SSH1: variants seen among roughly 807,000 people sequenced by gnomAD.
The protein encoded by SSH1 is slingshot protein phosphatase 1.
Under a neutral mutation model 79.7 loss-of-function variants are expected in SSH1, and 43 were observed. The ratio of observed to expected loss-of-function variants is 0.54; its 90% CI spans 0.42 to 0.70. SSH1 has a LOEUF of 0.70. Among genes scored for constraint, SSH1 ranks in the 30% least tolerant of loss-of-function variants. The probability of loss-of-function intolerance (pLI) is 0.00; values close to 1 mark genes in which losing one functional copy is unlikely to be tolerated. For missense variants in SSH1, 1,206 were observed against 1,358.8 expected, an observed-to-expected ratio of 0.89 and a Z score of 1.77; for synonymous variants, 599 against 538.3, an observed-to-expected ratio of 1.11 and a Z score of -1.56.
chr12:108,811,200 G>C (rs1593061799), intron 6 of SSH1, 60 bp downstream of exon 6: 3 of 1,490,512 alleles, frequency 2.0e-6, no homozygotes, highest in Non-Finnish European at 2.8e-6. Context: ...GCCTGAACCA[G>C]CTCGTGTTTT....
Position 108,788,490 on chromosome 12 carries a change from G to A in SSH1, c.2648C>T (p.Ser883Leu), listed in dbSNP as rs150864350. 2 of 1,556,178 alleles carry A rather than the reference G, an allele frequency of 1.3e-6. No homozygotes were observed. Among genetic ancestry groups the A allele is most frequent in the African/African-American group, 1.4e-5 (1 of 72,858 alleles). Residue 883 changes from serine to leucine, a missense_variant, in exon 15 of 15, where the codon TCA (serine) becomes TTA (leucine). This residue lies in a region of SSH1 where 709 missense variants were observed against 730.6 expected (regional missense o/e 0.97). Coordinates refer to ENST00000326495, the MANE Select transcript of SSH1 (RefSeq NM_018984.4). ...TTCCAATGAAGCGGGGGCGGCCTCT[G>A]ACTTCTCATCACTCCCGGCCTGGCT... The part of the protein sequence containing the change: ...MPSQAGSDEK[S>L]EAAPASLEGG...
chr12:108,805,160 T>G lies in SSH1; in HGVS notation c.850A>C (p.Met284Leu). The G allele has an allele frequency of 6.2e-7, 1 of 1,613,654 alleles. No homozygotes were observed. Among genetic ancestry groups the G allele is most frequent in the Non-Finnish European group, 8.5e-7 (1 of 1,179,522 alleles). ...KEIRNELEKQ[M>L]NCNLKELKEF... ...TTGAGTTCCTTCAAGTTACAATTCA[T>G]CTGTTTCTCTAATTCATTACGAATC... The change falls in exon 10 of 15, where the codon ATG becomes CTG. Residue 284 changes from methionine (M) to leucine (L), a missense_variant. By Grantham distance (15) the Met-to-Leu change is conservative. Transcript: ENST00000326495.
Position 108,845,909 on chromosome 12 carries a change from G to A in SSH1, c.110+6729C>T, listed in dbSNP as rs115102750. ...GGCTAAGATGGACTGCCAAGGGCAGGGAGGAACCCCAGAGTGTGGACAGGT... is the reference window on the plus strand; with the variant it reads ...GGCTAAGATGGACTGCCAAGGGCAGAGAGGAACCCCAGAGTGTGGACAGGT... On this transcript the variant is annotated intron_variant, in intron 2 of 14. Coordinates refer to ENST00000326495, the MANE Select transcript of SSH1 (RefSeq NM_018984.4). 8.8e-3 allele frequency among the ~76,000 whole-genome samples: 1,340 copies of A among 152,324 alleles called. 23 individuals carry two copies. The highest frequency in any genetic ancestry group is 0.031 in the African/African-American group (1,293 of 41,568).
chr12:108,852,402 C>T (rs1340689892), intron 2 of SSH1, among the ~76,000 whole-genome samples: 1 of 151,762 alleles, frequency 6.6e-6, no homozygotes, highest in Non-Finnish European at 1.5e-5. Flanking sequence ...TTAATTTTTT[C>T]TGTTTTTTTA....
At position 108,800,853 on chromosome 12, in the gene SSH1, G is replaced by A. The variant is rs1229146847; in HGVS notation, c.1075C>T (p.Arg359Ter). 6.2e-6 allele frequency: 10 copies of A among 1,613,866 alleles called. No individual in the cohort carries two copies. Among genetic ancestry groups the A allele is most frequent in the East Asian group, 2.2e-5 (1 of 44,890 alleles). The change falls in exon 12 of 15, where the codon CGA becomes TGA. Residue 359 changes from arginine (R) to a stop codon, truncating the protein, a stop_gained. Transcript: ENST00000326495. LOFTEE classifies it high-confidence loss of function. ...TCTGTGGTCTCTTCATCGTAGACTC[G>A]GATGTTATGATATGCAAATAAGCCA... ...FPGLFAYHNI[R>*]VYDEETTDLL... is the part of the protein sequence containing the mutation.
chr12:108,835,855 T>C (rs1039784940), intron 2 of SSH1, among the ~76,000 whole-genome samples: 25 of 131,820 alleles, frequency 1.9e-4, no homozygotes, highest in African/African-American at 6.4e-4. Context: ...ATATTTATGA[T>C]ATATAGCATA....
chr12:108,788,516 G>C lies in SSH1; in HGVS notation c.2622C>G (p.Pro874=), dbSNP rs2036362084. 6.4e-7 allele frequency: 1 copy of C among 1,560,842 alleles called. No individual in the cohort carries two copies. Among genetic ancestry groups the C allele is most frequent in the Middle Eastern group, 1.7e-4 (1 of 5,786 alleles). Residue 874 remains proline (P), a synonymous_variant, in exon 15 of 15, where the codon CCC becomes CCG. Transcript: ENST00000326495. ...ACTTCTCATCACTCCCGGCCTGGCT[G>C]GGCATAACCAGGGGGCCCAGCTCGT... ...ALHELGPLVM[P]SQAGSDEKSE...
chr12:108,811,638 T>A (rs1593063466), intron 5 of SSH1: 1 of 439,680 alleles, frequency 2.3e-6, no homozygotes, highest in African/African-American at 2.0e-5. Flanking sequence ...TACTTGGGGG[T>A]ACATAGGCAA....
intron 5 of SSH1, among the ~76,000 whole-genome samples, chr12:108,815,027 G>A (rs566618878): frequency 2.0e-5 from 3 of 152,360 alleles, no homozygotes; most frequent in Non-Finnish European, 2.9e-5. Flanking sequence ...AGCACCTGGC[G>A]GGGCGCCCGG....
Position 108,789,165 on chromosome 12 carries a change from C to T in SSH1, c.1973G>A (p.Ser658Asn). ...CTCCCTGGAGGCCTCAGGAGCCCCG[C>T]TGGCTGTAGGGTACATGCAGTCGGC... is the stretch of plus-strand genomic sequence containing the variant. ...SCADCMYPTA[S>N]GAPEASRERC... Residue 658 changes from serine (S) to asparagine (N), a missense_variant, in exon 15 of 15, where the codon AGC becomes AAC. Transcript: ENST00000326495. The T allele has an allele frequency of 6.2e-7, 1 of 1,612,300 alleles. No individual in the cohort carries two copies. The highest frequency in any genetic ancestry group is 8.5e-7 in the Non-Finnish European group (1 of 1,179,118).
At chr12:108,813,267 C>T (rs1449558534) in intron 5 of SSH1, among the ~76,000 whole-genome samples, 1 of 152,126 alleles carries the variant, frequency 6.6e-6, no homozygotes, top group Non-Finnish European at 1.5e-5. Flanking sequence ...GCCTGTATGG[C>T]GGGAACAGAG....
chr12:108,790,599 T>A (rs1565967538), intron 14 of SSH1, among the ~76,000 whole-genome samples: 1 of 152,232 alleles, frequency 6.6e-6, no homozygotes, highest in African/African-American at 2.4e-5. Context: ...TTTTATCTCA[T>A]CTGTCTTTAT....
intron 2 of SSH1, among the ~76,000 whole-genome samples, chr12:108,835,340 A>G (rs1566012423): frequency 6.6e-6 from 1 of 152,214 alleles, no homozygotes; most frequent in Non-Finnish European, 1.5e-5. Flanking sequence ...ATTGGGAGGC[A>G]CAAGAATCAC....
intron 2 of SSH1, among the ~76,000 whole-genome samples, chr12:108,852,411 T>C (rs528383190): frequency 6.6e-6 from 1 of 152,146 alleles, no homozygotes; most frequent in East Asian, 1.9e-4. Context: ...TCTGTTTTTT[T>C]AGTAGAGACA....
In SSH1 at chr12:108,811,274, G is replaced by C. The variant is rs1349016330; in HGVS notation, c.456C>G (p.His152Gln). The C allele has an allele frequency of 6.2e-7, 1 of 1,614,202 alleles. No homozygotes were observed. Among genetic ancestry groups the C allele is most frequent in the Admixed American group, 1.7e-5 (1 of 60,014 alleles). ...GACCTCCTTACCCATCTCCATCAAG[G>C]TGGATTTTCGTGTCGCTCCACAGTC... ...VLRLWSDTKI[H>Q]LDGDGGFSVS... is the part of the protein sequence containing the mutation. The change falls in exon 6 of 15, where the codon CAC (histidine) becomes CAG (glutamine). Residue 152 changes from histidine to glutamine, a missense_variant. His to Gln is a conservative substitution (Grantham distance 24, BLOSUM62 0). Coordinates refer to ENST00000326495, the MANE Select transcript of SSH1 (RefSeq NM_018984.4).
chr12:108,816,765 T>C lies in SSH1; in HGVS notation c.401+273A>G, dbSNP rs190679812. On this transcript the variant is annotated intron_variant, in intron 5 of 14. Coordinates refer to ENST00000326495, the MANE Select transcript of SSH1 (RefSeq NM_018984.4). ...TTTCTGGCTAAGGTGCCCCACTCTA[T>C]AGCAGCTGGTGTAAAACCTCTCTAA... Among the ~76,000 whole-genome samples the C allele has an allele frequency of 8.0e-4, 122 of 152,316 alleles. 1 individual carries two copies. Among genetic ancestry groups the C allele is most frequent in the African/African-American group, 2.8e-3 (115 of 41,566 alleles).
In SSH1 at chr12:108,856,969, G is replaced by A. The variant is rs2039157099; in HGVS notation, c.69+459C>T. 2.6e-5 allele frequency among the ~76,000 whole-genome samples: 4 copies of A among 152,206 alleles called. No homozygotes were observed. In the South Asian group the frequency reaches 8.3e-4, roughly 31 times the overall value. ...CCCCAGACAGAGGTCAACCCAAGAT[G>A]GGGGTCACACCTGAAATCACAGTCC... On this transcript the variant is annotated intron_variant, in intron 1 of 14. Coordinates refer to ENST00000326495, the MANE Select transcript of SSH1 (RefSeq NM_018984.4).
At chr12:108,803,428 A>G (rs907469673) in intron 10 of SSH1, among the ~76,000 whole-genome samples, 1 of 152,088 alleles carries the variant, frequency 6.6e-6, no homozygotes, top group African/African-American at 2.4e-5. Context: ...ACATAGTATC[A>G]TAAAGAGCAA....
In SSH1 at chr12:108,800,895, T is replaced by G. The variant is rs778672766; in HGVS notation, c.1033A>C (p.Ile345Leu). ...AATAAGCCAGGAAAAAAATTATCGA[T>G]TTCTCTGGTAACATTTAAAATGTAA... ...VDYILNVTREIDNFFPGLFAY... is the reference protein window; with the variant it reads ...VDYILNVTRELDNFFPGLFAY... The change falls in exon 12 of 15, where the codon ATC becomes CTC. Residue 345 changes from isoleucine (I) to leucine (L), a missense_variant. Transcript: ENST00000326495. 1 of 1,614,012 alleles carries G rather than the reference T, an allele frequency of 6.2e-7. No individual in the cohort carries two copies. The highest frequency in any genetic ancestry group is 8.5e-7 in the Non-Finnish European group (1 of 1,179,960).
Sources: allele counts gnomAD v4.1 joint callset (sites outside exome capture counted in the v4.1 genomes callset), GRCh38; gene constraint gnomAD v4.1.1; regional missense constraint gnomAD v4.1.1; transcripts MANE v1.5; gene names NCBI Gene and HGNC (gene_info 2026-07-23, HGNC 2026-07-21).